SULT1E1: variants seen among roughly 807,000 people sequenced by gnomAD.
SULT1E1 encodes the protein sulfotransferase 1E1.
A neutral mutation model predicts 33.6 loss-of-function variants in SULT1E1; 36 were observed. The ratio of observed to expected loss-of-function variants is 1.07; its 90% confidence interval spans 0.82 to 1.41. SULT1E1 has a LOEUF of 1.41. SULT1E1 is among the 40% of genes most tolerant of loss of function. The pLI, the probability that SULT1E1 is intolerant of heterozygous loss-of-function variation, is 0.00. For missense variants in SULT1E1, 371 were observed against 345.7 expected (o/e 1.07, Z -0.58); for synonymous variants, 121 against 111.7 (o/e 1.08, Z -0.53).
the SULT1E1 span, among the ~76,000 whole-genome samples, chr4:69,823,001 G>A: frequency 4.6e-4 from 70 of 152,222 alleles, no homozygotes; most frequent in Non-Finnish European, 8.8e-4. Flanking sequence ...GAATTATGAT[G>A]TGGTATGAGG....
At chr4:69,828,091 G>A in the SULT1E1 span, among the ~76,000 whole-genome samples, 1 of 152,182 alleles carries the variant, frequency 6.6e-6, no homozygotes, top group Non-Finnish European at 1.5e-5. Flanking sequence ...CACCCTCACT[G>A]AGTCCCAGGT....
At position 69,841,840 on chromosome 4, in the gene SULT1E1, C is replaced by CAAAA. The variant is rs35543098; in HGVS notation, c.*150_*153dup. The CAAAA allele has an allele frequency of 1.7e-3, 537 of 308,588 alleles. No individual in the cohort carries two copies. The highest frequency in any genetic ancestry group is 2.7e-3 in the Middle Eastern group (3 of 1,118). The allele number at this position is 308,588 out of a possible 1,614,324, so 19.1% of individuals were successfully genotyped here. On this transcript the variant is annotated 3_prime_UTR_variant, in exon 8 of 8. Coordinates refer to ENST00000226444, the MANE Select transcript of SULT1E1 (RefSeq NM_005420.3). ...TAGGCAACAGAGTGAGACTCTGTCT[C>CAAAA]AAAAAAAAAAAAAAAAAGTTAAACA... is the stretch of plus-strand genomic sequence containing the variant.
chr4:69,850,160 C>T (rs1340732731), intron 4 of SULT1E1, among the ~76,000 whole-genome samples: 1 of 152,004 alleles, frequency 6.6e-6, no homozygotes, highest in Non-Finnish European at 1.5e-5. Context: ...AATTAGTTTT[C>T]AGAAAACTGT....
the SULT1E1 span, among the ~76,000 whole-genome samples, chr4:69,833,160 T>C: frequency 4.5e-4 from 69 of 152,312 alleles, no homozygotes; most frequent in Admixed American, 1.0e-3. Flanking sequence ...ACCCTAGGCA[T>C]GATACTTGGT....
At chr4:69,825,595 C>A in the SULT1E1 span, among the ~76,000 whole-genome samples, 1 of 152,142 alleles carries the variant, frequency 6.6e-6, no homozygotes, top group African/African-American at 2.4e-5. Context: ...CTCTAACAAT[C>A]CCCGACTCTC....
the SULT1E1 span, among the ~76,000 whole-genome samples, chr4:69,826,718 C>T: frequency 2.5e-3 from 380 of 152,168 alleles, 5 homozygotes; most frequent in Admixed American, 0.018. Flanking sequence ...GGAAAAATGG[C>T]CACCTGAGGG....
At chr4:69,823,569 C>G in the SULT1E1 span, among the ~76,000 whole-genome samples, 1 of 152,188 alleles carries the variant, frequency 6.6e-6, no homozygotes, top group Non-Finnish European at 1.5e-5. Flanking sequence ...CAGTGCATCA[C>G]TGCCACCTGC....
chr4:69,836,649 A>G (rs1459375003), downstream of SULT1E1, among the ~76,000 whole-genome samples: 11 of 152,228 alleles, frequency 7.2e-5, 1 homozygote, highest in Non-Finnish European at 1.3e-4. Context: ...GATTCATAAT[A>G]AATCTTCTTG....
At chr4:69,848,042 C>A (rs777740886) in intron 5 of SULT1E1, among the ~76,000 whole-genome samples, 4 of 151,188 alleles carry the variant, frequency 2.6e-5, no homozygotes, top group Non-Finnish European at 4.4e-5. Context: ...AGGGAAAGTT[C>A]TCTCATCAAT....
chr4:69,836,922 G>T (rs915075664), downstream of SULT1E1, among the ~76,000 whole-genome samples: 1 of 152,074 alleles, frequency 6.6e-6, no homozygotes, highest in Non-Finnish European at 1.5e-5. Context: ...AAAATAACAA[G>T]TAGGTCAGGG....
the SULT1E1 span, among the ~76,000 whole-genome samples, chr4:69,834,252 A>G: frequency 3.3e-5 from 5 of 152,118 alleles, no homozygotes; most frequent in Non-Finnish European, 5.9e-5. Context: ...TCTTCCTTAG[A>G]TATCTCATAA....
the SULT1E1 span, among the ~76,000 whole-genome samples, chr4:69,823,281 A>T: frequency 6.6e-6 from 1 of 152,178 alleles, no homozygotes; most frequent in Admixed American, 6.5e-5. Flanking sequence ...CATGCAGCCC[A>T]GATGGTCGTT....
At chr4:69,833,104 AC>A in the SULT1E1 span, among the ~76,000 whole-genome samples, 2 of 151,708 alleles carry the variant, frequency 1.3e-5, no homozygotes, top group African/African-American at 4.8e-5. Flanking sequence ...ATCCTGCCTC[AC>A]TATATGTGCC....
chr4:69,844,285 C>G lies in SULT1E1; in HGVS notation c.648G>C (p.Glu216Asp). 1.2e-6 allele frequency: 2 copies of G among 1,613,792 alleles called. No individual in the cohort carries two copies. Among genetic ancestry groups the G allele is most frequent in the East Asian group, 2.2e-5 (1 of 44,844 alleles). ...GATGTATAATCCTGTCCACAAGCTC[C>G]TCTGATGGCTTCCTTTCCAGGAAAT... ...LIHFLERKPS[E>D]ELVDRIIHHT... Residue 216 changes from glutamate to aspartate, a missense_variant, in exon 7 of 8, where the codon GAG becomes GAC. Transcript: ENST00000226444.
chr4:69,826,216 G>T, the SULT1E1 span, among the ~76,000 whole-genome samples: 1 of 152,082 alleles, frequency 6.6e-6, no homozygotes, highest in Admixed American at 6.6e-5. Context: ...CTTCATTCTG[G>T]GGACATAACA....
chr4:69,858,548 T>C (rs1320327672), intron 1 of SULT1E1, among the ~76,000 whole-genome samples: 1 of 152,132 alleles, frequency 6.6e-6, no homozygotes, highest in Non-Finnish European at 1.5e-5. Context: ...TTTCCTGACA[T>C]TAGCCTTTCT....
At chr4:69,859,952 A>T (rs1333149403) in intron 1 of SULT1E1, 97 bp downstream of exon 1, 1 of 152,104 alleles carries the variant, frequency 6.6e-6, no homozygotes, top group Non-Finnish European at 1.5e-5. Flanking sequence ...TGGTCTTTGT[A>T]TATTTTATTT....
chr4:69,850,800 T>G (rs1311511625), intron 4 of SULT1E1, among the ~76,000 whole-genome samples: 2 of 152,056 alleles, frequency 1.3e-5, no homozygotes, highest in African/African-American at 4.8e-5. Context: ...AGGCTTTTTA[T>G]TTTCCCAGAT....
At chr4:69,843,206 A>T (rs1342779891) in intron 7 of SULT1E1, among the ~76,000 whole-genome samples, 1 of 152,076 alleles carries the variant, frequency 6.6e-6, no homozygotes, top group Non-Finnish European at 1.5e-5. Context: ...TTTCCCACTG[A>T]AATAACCCAA....
Sources: gnomAD v4.1 joint callset for allele counts (sites outside exome capture counted in the v4.1 genomes callset) on GRCh38, gnomAD v4.1.1 for gene constraint, MANE v1.5 for transcripts, NCBI Gene and HGNC (gene_info 2026-07-23, HGNC 2026-07-21) for gene names.